The following PID1 variants were observed in gnomAD, a reference collection of about 807,000 sequenced individuals.
The protein encoded by PID1 is PTB-containing, cubilin and LRP1-interacting protein.
In PID1, 10 loss-of-function variants were observed where a neutral mutation model predicts 19.1. That is an observed-to-expected ratio of 0.52 (90% confidence interval 0.32 to 0.89). The LOEUF is 0.89. Among genes scored for constraint, PID1 ranks in the 40% least tolerant of loss-of-function variants. PID1 has a pLI of 0.03. For synonymous variants in PID1, 130 were observed against 116.0 expected (o/e 1.12, Z -0.78); for missense variants, 248 against 285.3 (o/e 0.87, Z 0.94).
intron 2 of PID1, among the ~76,000 whole-genome samples, chr2:229,140,972 A>G (rs1238616922): frequency 7.1e-6 from 1 of 140,646 alleles, no homozygotes; most frequent in Non-Finnish European, 1.6e-5. Context: ...GAACAAATAA[A>G]CTATTTTTTT....
At chr2:229,211,097 G>C (rs966618409) in intron 1 of PID1, among the ~76,000 whole-genome samples, 2 of 152,152 alleles carry the variant, frequency 1.3e-5, no homozygotes, top group African/African-American at 4.8e-5. Context: ...GAGAAAAGGA[G>C]AGCAACTTGG....
chr2:229,150,902 CT>C (rs1474462502), intron 2 of PID1, among the ~76,000 whole-genome samples: 2 of 147,710 alleles, frequency 1.4e-5, no homozygotes, highest in African/African-American at 5.0e-5. Context: ...CGTGGTATAT[CT>C]GGGGTAAAAT....
intron 2 of PID1, among the ~76,000 whole-genome samples, chr2:229,082,985 G>C (rs116627228): frequency 6.6e-6 from 1 of 151,736 alleles, no homozygotes. Context: ...ATAAATTGAC[G>C]GACATAAAGG....
chr2:229,262,824 A>C, intron 1 of PID1: 1 of 1,550,906 alleles, frequency 6.4e-7, no homozygotes, highest in Non-Finnish European at 8.7e-7. Flanking sequence ...TTATGATGCC[A>C]TAACTCCGGT....
At chr2:229,268,712 C>T (rs767744179) in intron 1 of PID1, among the ~76,000 whole-genome samples, 1 of 152,124 alleles carries the variant, frequency 6.6e-6, no homozygotes, top group Non-Finnish European at 1.5e-5. Flanking sequence ...TCTCAAGTTT[C>T]CTATCCAGCA....
At chr2:229,205,960 C>T (rs1691601024) in intron 1 of PID1, among the ~76,000 whole-genome samples, 1 of 152,104 alleles carries the variant, frequency 6.6e-6, no homozygotes, top group African/African-American at 2.4e-5. Flanking sequence ...TCGTAGAACC[C>T]ATCCCTGACA....
intron 1 of PID1, among the ~76,000 whole-genome samples, chr2:229,244,458 C>G (rs144705643): frequency 1.3e-5 from 2 of 152,134 alleles, no homozygotes; most frequent in African/African-American, 4.8e-5. Flanking sequence ...ATTCATGACC[C>G]TATTTTCCAA....
chr2:229,061,029 G>A (rs769777079), intron 2 of PID1, among the ~76,000 whole-genome samples: 1 of 151,872 alleles, frequency 6.6e-6, no homozygotes, highest in Non-Finnish European at 1.5e-5. Flanking sequence ...TCCCACAAAT[G>A]GTTTGCAAAT....
intron 1 of PID1, among the ~76,000 whole-genome samples, chr2:229,248,946 T>C (rs1358268874): frequency 6.6e-6 from 1 of 152,240 alleles, no homozygotes; most frequent in Non-Finnish European, 1.5e-5. Flanking sequence ...TCTGGCTTTC[T>C]TGATGATGCT....
chr2:229,119,513 T>C (rs1695476203), intron 2 of PID1, among the ~76,000 whole-genome samples: 1 of 152,198 alleles, frequency 6.6e-6, no homozygotes. Flanking sequence ...CCATCAGTAA[T>C]GGAAGACACT....
chr2:229,190,870 C>T (rs1691246481), intron 1 of PID1, among the ~76,000 whole-genome samples: 1 of 152,178 alleles, frequency 6.6e-6, no homozygotes, highest in Non-Finnish European at 1.5e-5. Flanking sequence ...GGGACCACAT[C>T]ACCCCCATAG....
chr2:229,097,254 C>T (rs1442393442), intron 2 of PID1, among the ~76,000 whole-genome samples: 1 of 152,080 alleles, frequency 6.6e-6, no homozygotes, highest in African/African-American at 2.4e-5. Flanking sequence ...GTAACAACCC[C>T]CTCGCCCCGT....
intron 1 of PID1, among the ~76,000 whole-genome samples, chr2:229,156,691 C>A (rs1690379863): frequency 6.6e-6 from 1 of 152,122 alleles, no homozygotes; most frequent in Non-Finnish European, 1.5e-5. Flanking sequence ...CCACCGTCAC[C>A]AGAGAGATCC....
chr2:229,220,545 G>C (rs906546879), intron 1 of PID1, among the ~76,000 whole-genome samples: 1 of 152,122 alleles, frequency 6.6e-6, no homozygotes, highest in African/African-American at 2.4e-5. Flanking sequence ...ACCACGGGTA[G>C]GAACTCCAAC....
chr2:229,107,265 C>A (rs1471695337), intron 2 of PID1, among the ~76,000 whole-genome samples: 3 of 152,108 alleles, frequency 2.0e-5, no homozygotes, highest in South Asian at 2.1e-4. Context: ...TTGTTTTAAG[C>A]CACCAAGTCT....
intron 2 of PID1, among the ~76,000 whole-genome samples, chr2:229,116,902 A>G (rs1695421447): frequency 6.6e-6 from 1 of 151,648 alleles, no homozygotes; most frequent in African/African-American, 2.4e-5. Context: ...ACTGCCTTCA[A>G]CTTTGCTGTC....
chr2:229,081,266 C>G (rs1694663574), intron 2 of PID1, among the ~76,000 whole-genome samples: 2 of 152,140 alleles, frequency 1.3e-5, no homozygotes, highest in Admixed American at 6.5e-5. Flanking sequence ...TCTACAGGAT[C>G]CTGAAGCTAC....
At chr2:229,227,171 G>A (rs1452061757) in intron 1 of PID1, among the ~76,000 whole-genome samples, 3 of 152,068 alleles carry the variant, frequency 2.0e-5, no homozygotes, top group African/African-American at 7.2e-5. Context: ...TCCTCTCCTC[G>A]ATAACTCAGA....
intron 1 of PID1, among the ~76,000 whole-genome samples, chr2:229,261,042 G>A (rs766066243): frequency 1.3e-5 from 2 of 151,988 alleles, no homozygotes; most frequent in Non-Finnish European, 2.9e-5. Context: ...TATAAACAGG[G>A]GAAATCTTGA....
Sources: allele counts gnomAD v4.1 joint callset (sites outside exome capture counted in the v4.1 genomes callset), GRCh38; gene constraint gnomAD v4.1.1; transcripts MANE v1.5; gene names NCBI Gene and HGNC (gene_info 2026-07-23, HGNC 2026-07-21).